Variants in TRAPPC9 observed in about 807,000 individuals in gnomAD.
TRAPPC9 encodes the protein trafficking protein particle complex subunit 9.
TRAPPC9 carries 83 observed loss-of-function variants against 124.0 expected under a neutral mutation model. The ratio of observed to expected loss-of-function variants is 0.67; its 90% CI spans 0.56 to 0.80. The LOEUF (loss-of-function observed/expected upper bound fraction) is 0.80, where lower values mean the gene tolerates loss of function less well. Among genes scored for constraint, TRAPPC9 ranks in the 30% least tolerant of loss-of-function variants. The probability of loss-of-function intolerance (pLI) is 0.00; values close to 1 mark genes in which losing one functional copy is unlikely to be tolerated. For synonymous variants in TRAPPC9, 638 were observed against 617.5 expected (o/e 1.03, Z -0.49); for missense variants, 1,302 against 1,508.3 (o/e 0.86, Z 2.27).
chr8:140,219,775 A>C (rs1160368874), intron 17 of TRAPPC9, among the ~76,000 whole-genome samples: 7 of 152,222 alleles, frequency 4.6e-5, no homozygotes, highest in Admixed American at 1.3e-4. Flanking sequence ...AAACCTGGGC[A>C]GCTGTGCACA....
chr8:139,753,052 C>T (rs1354643553), intron 21 of TRAPPC9, among the ~76,000 whole-genome samples: 1 of 147,334 alleles, frequency 6.8e-6, no homozygotes. Flanking sequence ...ATCTACCCAT[C>T]CATCCACCCA....
At chr8:140,380,154 G>T (rs866813749) in intron 7 of TRAPPC9, among the ~76,000 whole-genome samples, 1 of 152,140 alleles carries the variant, frequency 6.6e-6, no homozygotes, top group African/African-American at 2.4e-5. Context: ...CAAAAAGAAC[G>T]AAGTTGGAGG....
At position 140,353,791 on chromosome 8, in the gene TRAPPC9, C is replaced by T. The variant is rs548719198; in HGVS notation, c.1495+6259G>A. Among the ~76,000 whole-genome samples, 20 of 152,182 alleles carry T rather than the reference C, an allele frequency of 1.3e-4. No homozygotes were observed. The highest frequency in any genetic ancestry group is 2.8e-4 in the Non-Finnish European group (19 of 68,034). On this transcript the variant is annotated intron_variant, in intron 9 of 22. Transcript: ENST00000438773. This position sits in a 1 kb window ranked among gnomAD's most constrained non-coding sequence, Gnocchi z 4.2. ...AAGGTGGGTTTAAAGAGACAGAAGACATCATTCATTCAGCCGGCATTTAAG... is the reference window on the plus strand; with the variant it reads ...AAGGTGGGTTTAAAGAGACAGAAGATATCATTCATTCAGCCGGCATTTAAG...
At chr8:140,454,573 G>A (rs1451056886) in intron 1 of TRAPPC9, among the ~76,000 whole-genome samples, 25 of 150,544 alleles carry the variant, frequency 1.7e-4, no homozygotes, top group Admixed American at 1.5e-3. Context: ...CCAGGAGATG[G>A]GGGTTGCAGT....
chr8:140,268,243 A>T (rs1167257956), intron 15 of TRAPPC9, among the ~76,000 whole-genome samples: 1 of 152,178 alleles, frequency 6.6e-6, no homozygotes, highest in Non-Finnish European at 1.5e-5. Flanking sequence ...TCCATAACCG[A>T]GTCCTATACT....
intron 1 of TRAPPC9, 63 bp downstream of exon 1, chr8:140,457,576 G>C: frequency 1.0e-6 from 1 of 983,016 alleles, no homozygotes. Flanking sequence ...ACGGCCAGCC[G>C]CGCAGCCCTC....
chr8:140,430,095 C>T (rs1034350206), intron 4 of TRAPPC9, among the ~76,000 whole-genome samples: 2 of 149,692 alleles, frequency 1.3e-5, no homozygotes, highest in Admixed American at 6.7e-5. Context: ...TGCAGTGAGC[C>T]GAGATCACGA....
intron 17 of TRAPPC9, among the ~76,000 whole-genome samples, chr8:140,186,384 G>A (rs1285726168): frequency 6.6e-6 from 1 of 152,086 alleles, no homozygotes; most frequent in Non-Finnish European, 1.5e-5. Flanking sequence ...AGGAGTTTGA[G>A]ACCAGCCTGG....
Position 139,731,206 on chromosome 8 carries a change from G to A in TRAPPC9, c.3302C>T (p.Ala1101Val). The stretch of plus-strand genomic sequence containing the variant: ...GAGGAAGAGGAGGGCCCCGAGGCAG[G>A]CCGACTGGCCGGACGGCTGCACCTG... The part of the protein sequence containing the change: ...LDAVQPSGQS[A>V]CLGALLFLYT... Residue 1101 changes from alanine (A) to valine (V), a missense_variant, in exon 23 of 23, where the codon GCC becomes GTC. Ala to Val is a moderately conservative substitution (Grantham distance 64). Transcript: ENST00000438773. 6.2e-7 allele frequency: 1 copy of A among 1,613,506 alleles called. No individual in the cohort carries two copies.
In TRAPPC9 at chr8:140,415,505, G is replaced by A. The variant is rs193013751; in HGVS notation, c.887-9807C>T. 3.9e-3 allele frequency among the ~76,000 whole-genome samples: 582 copies of A among 149,136 alleles called. 3 individuals carry two copies. The highest frequency in any genetic ancestry group is 0.023 in the Middle Eastern group (6 of 260). The stretch of plus-strand genomic sequence containing the variant: ...AGGAGGTGGAGGTTGCAAGTGAGCC[G>A]AGATCATGGCACTGCACTCCAGCCT... On this transcript the variant is annotated intron_variant, in intron 5 of 22. Coordinates refer to ENST00000438773, the MANE Select transcript of TRAPPC9 (RefSeq NM_001160372.4).
chr8:140,272,231 G>A, intron 15 of TRAPPC9, among the ~76,000 whole-genome samples: 3 of 146,148 alleles, frequency 2.1e-5, no homozygotes, highest in South Asian at 2.3e-4. Flanking sequence ...TGTGTTGATA[G>A]TGGTAGTGGT....
rs146480459 is a variant in TRAPPC9 at position 140,282,715 on chromosome 8, G to A, written c.2114+1174C>T. Among the ~76,000 whole-genome samples the A allele has an allele frequency of 2.2e-3, 328 of 152,226 alleles. 1 individual carries two copies. The highest frequency in any genetic ancestry group is 7.3e-3 in the African/African-American group (304 of 41,530). On this transcript the variant is annotated intron_variant, in intron 14 of 22. Coordinates refer to ENST00000438773, the MANE Select transcript of TRAPPC9 (RefSeq NM_001160372.4). ...TGTAAAGGCATGAAGAAAAGCTTAC[G>A]TTACGTGGTTATGCAAAAAGTAATC...
At chr8:139,810,731 G>C (rs1469255882) in intron 21 of TRAPPC9, among the ~76,000 whole-genome samples, 1 of 152,180 alleles carries the variant, frequency 6.6e-6, no homozygotes, top group Non-Finnish European at 1.5e-5. Context: ...GGGAGGGGCA[G>C]CCTCCTTCTT....
intron 19 of TRAPPC9, among the ~76,000 whole-genome samples, chr8:139,948,287 ACACACACACT>A (rs1201797028): frequency 2.6e-5 from 3 of 116,888 alleles, no homozygotes; most frequent in East Asian, 2.6e-4. Flanking sequence ...ACACACACAC[ACACACACACT>A]GTGACGTACA....
intron 19 of TRAPPC9, among the ~76,000 whole-genome samples, chr8:139,913,314 T>G (rs1339045893): frequency 6.6e-6 from 1 of 152,230 alleles, no homozygotes; most frequent in Non-Finnish European, 1.5e-5. Flanking sequence ...CGCTCATCTT[T>G]GTTAACTTAC....
chr8:140,008,804 A>C (rs12549400), intron 18 of TRAPPC9, among the ~76,000 whole-genome samples: 80,994 of 152,096 alleles, frequency 0.53, 21,581 homozygotes, highest in Middle Eastern at 0.66. Flanking sequence ...AAGGAGTCTT[A>C]ATGTGGCGTT....
At chr8:140,088,252 T>C (rs945182586) in intron 17 of TRAPPC9, among the ~76,000 whole-genome samples, 10 of 152,230 alleles carry the variant, frequency 6.6e-5, no homozygotes, top group African/African-American at 2.4e-4. Context: ...CACAATTGTA[T>C]TTCCAGTGTC....
intron 15 of TRAPPC9, among the ~76,000 whole-genome samples, chr8:140,268,077 T>C (rs1474578952): frequency 6.6e-6 from 1 of 152,068 alleles, no homozygotes; most frequent in Non-Finnish European, 1.5e-5. Context: ...CAAAATTTTA[T>C]ACAGCAGACA....
At chr8:140,131,458 C>A (rs763245002) in intron 17 of TRAPPC9, among the ~76,000 whole-genome samples, 5 of 152,198 alleles carry the variant, frequency 3.3e-5, no homozygotes, top group Non-Finnish European at 7.3e-5. Context: ...CCTGCAACAG[C>A]CCCCTGAGGA....
Sources: gnomAD v4.1 joint callset for allele counts (sites outside exome capture counted in the v4.1 genomes callset) on GRCh38, gnomAD v4.1.1 for gene constraint, Gnocchi (gnomAD v3.1) non-coding constraint, MANE v1.5 for transcripts, NCBI Gene and HGNC (gene_info 2026-07-23, HGNC 2026-07-21) for gene names.